The following CLEC16A variants were observed in gnomAD, a reference collection of about 807,000 sequenced individuals.
CLEC16A encodes the protein protein CLEC16A.
In CLEC16A, 51 loss-of-function variants were observed where a neutral mutation model predicts 109.5. The observed-to-expected ratio is 0.47, with a 90% CI of 0.37 to 0.59. CLEC16A has a LOEUF of 0.59. CLEC16A is among the 20% of genes least tolerant of loss of function. CLEC16A has a pLI of 0.00. For missense variants in CLEC16A, 1,339 were observed against 1,394.0 expected (o/e 0.96, Z 0.63); for synonymous variants, 673 against 564.2 (o/e 1.19, Z -2.73).
intron 23 of CLEC16A, among the ~76,000 whole-genome samples, chr16:11,168,216 G>A (rs189785919): frequency 5.3e-5 from 8 of 152,166 alleles, no homozygotes; most frequent in African/African-American, 1.7e-4. Flanking sequence ...CCAGGGCCTG[G>A]TGTCTGCAGT....
chr16:11,067,941 T>C lies in CLEC16A; in HGVS notation c.2116+6919T>C, dbSNP rs12599308. On this transcript the variant is annotated intron_variant, in intron 19 of 23. Coordinates refer to ENST00000409790, the MANE Select transcript of CLEC16A (RefSeq NM_015226.3). ...AAACCGTCGTACCTTTGAAGCTAATTATTAACAACAACCCAACTATTTGGG... is the reference window on the plus strand; with the variant it reads ...AAACCGTCGTACCTTTGAAGCTAATCATTAACAACAACCCAACTATTTGGG... Among the ~76,000 whole-genome samples, 11 of 152,178 alleles carry C rather than the reference T, an allele frequency of 7.2e-5. No individual in the cohort carries two copies. In the East Asian group the frequency reaches 1.2e-3, roughly 16 times the overall value.
At position 10,962,451 on chromosome 16, in the gene CLEC16A, C is replaced by T. The variant is rs199899684; in HGVS notation, c.210-4C>T. 2 of 1,613,944 alleles carry T rather than the reference C, an allele frequency of 1.2e-6. No homozygotes were observed. The highest frequency in any genetic ancestry group is 4.5e-5 in the East Asian group (2 of 44,884). The stretch of plus-strand genomic sequence containing the variant: ...CCACTGATGCTTTTCCATTCTCTCC[C>T]CAGCTTCTTCCTGGAGAAGAATATG... On this transcript the variant is annotated splice_region_variant and splice_polypyrimidine_tract_variant and intron_variant, in intron 2 of 23. Transcript: ENST00000409790.
intron 9 of CLEC16A, among the ~76,000 whole-genome samples, chr16:10,980,377 T>C (rs1012639882): frequency 6.6e-6 from 1 of 152,032 alleles, no homozygotes; most frequent in African/African-American, 2.4e-5. Context: ...CCCCAGCCTC[T>C]CCTGGCAGCT....
chr16:11,093,587 T>C (rs1490795992), intron 19 of CLEC16A, among the ~76,000 whole-genome samples: 1 of 152,160 alleles, frequency 6.6e-6, no homozygotes, highest in African/African-American at 2.4e-5. Flanking sequence ...ACCAAATGAA[T>C]CTGTCTTAAA....
chr16:11,004,113 A>G (rs939063390), intron 11 of CLEC16A, among the ~76,000 whole-genome samples: 4 of 152,076 alleles, frequency 2.6e-5, no homozygotes. Flanking sequence ...TGTGCTCTGT[A>G]AGCAAAATCA....
intron 22 of CLEC16A, among the ~76,000 whole-genome samples, chr16:11,151,102 G>C (rs1287844982): frequency 6.6e-6 from 1 of 152,182 alleles, no homozygotes; most frequent in East Asian, 1.9e-4. Flanking sequence ...TTCAACCTAA[G>C]AATTTGAAGG....
chr16:11,116,814 T>C (rs2052026358), intron 19 of CLEC16A, among the ~76,000 whole-genome samples: 1 of 152,166 alleles, frequency 6.6e-6, no homozygotes, highest in Non-Finnish European at 1.5e-5. Context: ...GTTAATGTGC[T>C]CCCAACAGAA....
chr16:10,975,409 T>C (rs1284769971), intron 7 of CLEC16A, among the ~76,000 whole-genome samples: 1 of 152,180 alleles, frequency 6.6e-6, no homozygotes, highest in Non-Finnish European at 1.5e-5. Context: ...CAATGCTATT[T>C]GAGTTTTAAA....
intron 12 of CLEC16A, among the ~76,000 whole-genome samples, chr16:11,022,906 T>A (rs541663567): frequency 1.1e-4 from 8 of 74,014 alleles, no homozygotes; most frequent in South Asian, 3.2e-4. Context: ...CTCAAAAATA[T>A]ATATATATAT....
At chr16:11,101,121 G>A (rs80295118) in intron 19 of CLEC16A, among the ~76,000 whole-genome samples, 24 of 152,216 alleles carry the variant, frequency 1.6e-4, no homozygotes, top group Admixed American at 1.3e-3. Flanking sequence ...CTCTTTGTTC[G>A]TGTTATATTT....
At chr16:11,130,128 C>T (rs1331979473) in intron 22 of CLEC16A, among the ~76,000 whole-genome samples, 1 of 152,198 alleles carries the variant, frequency 6.6e-6, no homozygotes, top group Non-Finnish European at 1.5e-5. Flanking sequence ...TGTGCCTGGT[C>T]ATAGTCTTTC....
At chr16:10,982,208 A>C (rs2043360504) in intron 9 of CLEC16A, among the ~76,000 whole-genome samples, 1 of 152,146 alleles carries the variant, frequency 6.6e-6, no homozygotes, top group Admixed American at 6.5e-5. Flanking sequence ...TGGTCCTCTG[A>C]ACATTGGGCA....
At chr16:11,076,392 GC>G (rs2049377916) in intron 19 of CLEC16A, among the ~76,000 whole-genome samples, 1 of 152,026 alleles carries the variant, frequency 6.6e-6, no homozygotes, top group African/African-American at 2.4e-5. Flanking sequence ...AGTAAGAGCC[GC>G]CACAGAAAAC....
chr16:11,100,775 T>C (rs761921477), intron 19 of CLEC16A, among the ~76,000 whole-genome samples: 1 of 152,248 alleles, frequency 6.6e-6, no homozygotes, highest in Non-Finnish European at 1.5e-5. Context: ...TGTTAGTATC[T>C]GAAATTAGCA....
chr16:11,124,076 T>C (rs1219385974), intron 21 of CLEC16A, 130 bp downstream of exon 21: 4 of 864,624 alleles, frequency 4.6e-6, no homozygotes, highest in Non-Finnish European at 7.0e-6. Flanking sequence ...AATTGTTTTA[T>C]ATACGAATAC....
At position 11,060,953 on chromosome 16, in the gene CLEC16A, G is replaced by A. The variant is rs762605453; in HGVS notation, c.2047G>A (p.Glu683Lys). 5 of 1,612,692 alleles carry A rather than the reference G, an allele frequency of 3.1e-6. No individual in the cohort carries two copies. Among genetic ancestry groups the A allele is most frequent in the African/African-American group, 2.7e-5 (2 of 74,870 alleles). The change falls in exon 19 of 24, where the codon GAG (glutamate) becomes AAG (lysine). Residue 683 changes from glutamate (E) to lysine (K), a missense_variant. Coordinates refer to ENST00000409790, the MANE Select transcript of CLEC16A (RefSeq NM_015226.3). ...LRSLSLQLRG[E>K]PETQLPLTRE... Reference sequence around the variant, plus strand: ...TTCCCTGTCACTGCAATTGCGAGGGGAGCCTGAGACACAGTTGCCGCTGAC... The same window carrying A: ...TTCCCTGTCACTGCAATTGCGAGGGAAGCCTGAGACACAGTTGCCGCTGAC...
chr16:11,052,494 C>G (rs1356637363), intron 18 of CLEC16A, among the ~76,000 whole-genome samples: 1 of 152,192 alleles, frequency 6.6e-6, no homozygotes. Context: ...GGTTCTACCT[C>G]GGAAGCCTGG....
chr16:11,011,714 T>C (rs919104233), intron 11 of CLEC16A, among the ~76,000 whole-genome samples: 6 of 152,208 alleles, frequency 3.9e-5, no homozygotes, highest in African/African-American at 1.4e-4. Context: ...TATGTACATA[T>C]ACAAAGTGTA....
At chr16:10,993,306 G>T (rs984634278) in intron 10 of CLEC16A, among the ~76,000 whole-genome samples, 1 of 152,174 alleles carries the variant, frequency 6.6e-6, no homozygotes, top group Admixed American at 6.5e-5. Context: ...TTGAGCCTGG[G>T]AGGCGGAGGT....
Sources: allele counts gnomAD v4.1 joint callset (sites outside exome capture counted in the v4.1 genomes callset), GRCh38; gene constraint gnomAD v4.1.1; transcripts MANE v1.5; gene names NCBI Gene and HGNC (gene_info 2026-07-23, HGNC 2026-07-21).